LRRC7: variants seen among roughly 807,000 people sequenced by gnomAD.
LRRC7 encodes leucine rich repeat containing 7.
LRRC7 carries 23 observed loss-of-function variants against 175.7 expected under a neutral mutation model. The ratio of observed to expected loss-of-function variants is 0.13; its 90% CI spans 0.09 to 0.19. LRRC7 has a LOEUF of 0.19. LRRC7 is among the 10% of genes least tolerant of loss of function. LRRC7 has a pLI of 1.00. For synonymous variants in LRRC7, 685 were observed against 680.9 expected (o/e 1.01, Z -0.09); for missense variants, 1,354 against 1,904.7 (o/e 0.71, Z 5.38).
chr1:69,922,146 G>C (rs987321317), intron 7 of LRRC7, among the ~76,000 whole-genome samples: 1 of 152,026 alleles, frequency 6.6e-6, no homozygotes, highest in Non-Finnish European at 1.5e-5. Flanking sequence ...GGCTGGTCTC[G>C]AACTCCTGAC....
chr1:69,663,700 ATTTTTTTT>A (rs552339451), intron 1 of LRRC7, among the ~76,000 whole-genome samples: 2 of 67,728 alleles, frequency 3.0e-5, no homozygotes, highest in Admixed American at 2.2e-4. Flanking sequence ...AATCGTTTTA[ATTTTTTTT>A]TTTTTTTTTT....
chr1:69,813,552 A>C (rs1024520856), intron 4 of LRRC7, among the ~76,000 whole-genome samples: 1 of 152,190 alleles, frequency 6.6e-6, no homozygotes, highest in African/African-American at 2.4e-5. Context: ...TTCAGAGAAG[A>C]AGCATGTCTC....
intron 7 of LRRC7, among the ~76,000 whole-genome samples, chr1:69,871,937 T>C (rs1685591837): frequency 6.6e-6 from 1 of 152,054 alleles, no homozygotes; most frequent in South Asian, 2.1e-4. Context: ...AATAATTATA[T>C]GGATTTTAGA....
At chr1:69,990,783 A>C (rs1430450716) in intron 10 of LRRC7, among the ~76,000 whole-genome samples, 1 of 152,206 alleles carries the variant, frequency 6.6e-6, no homozygotes, top group East Asian at 1.9e-4. Flanking sequence ...TATAAATAAG[A>C]TGGTAAAAAT....
chr1:69,718,131 A>AGAGAGAGAAAGG (rs1491386363), intron 2 of LRRC7, among the ~76,000 whole-genome samples: 1 of 54,372 alleles, frequency 1.8e-5, no homozygotes, highest in Non-Finnish European at 3.2e-5. Context: ...GAAAGAAAAG[A>AGAGAGAGAAAGG]AAGAAAGAGA....
chr1:70,043,996 C>A lies in LRRC7; in HGVS notation c.4012C>A (p.Pro1338Thr), dbSNP rs748874976. The A allele has an allele frequency of 6.2e-7, 1 of 1,613,310 alleles. No homozygotes were observed. Among genetic ancestry groups the A allele is most frequent in the South Asian group, 1.1e-5 (1 of 91,036 alleles). ...KHNTVNLGML[P>T]YGGISAMHAG... ...CAATACAGTTAACCTTGGCATGCTG[C>A]CCTATGGAGGTATTTCAGCAATGCA... The change falls in exon 22 of 27, where the codon CCC (proline) becomes ACC (threonine). Residue 1338 changes from proline to threonine, a missense_variant. Physicochemically the swap from Pro to Thr is conservative, Grantham distance 38. Transcript: ENST00000651989.
intron 2 of LRRC7, among the ~76,000 whole-genome samples, chr1:69,684,617 A>C (rs1383236131): frequency 6.6e-6 from 1 of 152,180 alleles, no homozygotes; most frequent in Admixed American, 6.5e-5. Flanking sequence ...CAAACTGACT[A>C]GGACAACAGG....
At chr1:70,010,973 C>G (rs984026973) in intron 11 of LRRC7, among the ~76,000 whole-genome samples, 3 of 152,208 alleles carry the variant, frequency 2.0e-5, no homozygotes, top group African/African-American at 7.2e-5. Flanking sequence ...AATCCATTTC[C>G]ATTACTTGTC....
chr1:69,826,975 G>T (rs1570176589), intron 5 of LRRC7, among the ~76,000 whole-genome samples: 1 of 151,888 alleles, frequency 6.6e-6, no homozygotes, highest in East Asian at 1.9e-4. Context: ...TATAGTGAAT[G>T]GTTTGTGAAA....
chr1:70,041,126 GT>G (rs1659858891), intron 21 of LRRC7, among the ~76,000 whole-genome samples: 1 of 152,122 alleles, frequency 6.6e-6, no homozygotes. Context: ...GGGGATCTGG[GT>G]AATAATATAC....
intron 1 of LRRC7, among the ~76,000 whole-genome samples, chr1:69,659,295 G>C (rs1657092850): frequency 6.6e-6 from 1 of 151,490 alleles, no homozygotes; most frequent in South Asian, 2.1e-4. Context: ...CAACACAGGA[G>C]AACAATGAGG....
intron 3 of LRRC7, among the ~76,000 whole-genome samples, chr1:69,767,930 C>T (rs1196400388): frequency 6.6e-6 from 1 of 152,086 alleles, no homozygotes; most frequent in East Asian, 1.9e-4. Context: ...GTTGCTTGCC[C>T]TAGGTGAGGG....
intron 8 of LRRC7, among the ~76,000 whole-genome samples, chr1:69,970,219 G>A (rs1371353307): frequency 6.6e-6 from 1 of 151,824 alleles, no homozygotes; most frequent in Non-Finnish European, 1.5e-5. Flanking sequence ...ACATCTCAAG[G>A]AACTAGAGAA....
intron 1 of LRRC7, among the ~76,000 whole-genome samples, chr1:69,648,875 T>C (rs1484651571): frequency 2.6e-5 from 4 of 152,212 alleles, no homozygotes; most frequent in Admixed American, 1.3e-4. Context: ...AGATATGTTG[T>C]AGACAGCACA....
chr1:69,667,424 T>TG (rs1280096269), intron 1 of LRRC7, among the ~76,000 whole-genome samples: 1 of 152,160 alleles, frequency 6.6e-6, no homozygotes, highest in Non-Finnish European at 1.5e-5. Flanking sequence ...CAGCTTTTAT[T>TG]GTGTTGGGTT....
chr1:70,092,455 T>G (rs934757698), intron 25 of LRRC7, among the ~76,000 whole-genome samples: 27 of 152,192 alleles, frequency 1.8e-4, no homozygotes, highest in African/African-American at 6.5e-4. Context: ...CATGGATGTT[T>G]GAATGTTTTG....
intron 4 of LRRC7, among the ~76,000 whole-genome samples, chr1:69,813,912 T>C (rs1003824677): frequency 6.6e-6 from 1 of 152,204 alleles, no homozygotes; most frequent in East Asian, 1.9e-4. Context: ...GATATATTGC[T>C]CAAGTAAGGC....
chr1:69,717,459 A>G (rs1273712799), intron 2 of LRRC7, among the ~76,000 whole-genome samples: 1 of 151,838 alleles, frequency 6.6e-6, no homozygotes, highest in Non-Finnish European at 1.5e-5. Context: ...TAAGAAGAAT[A>G]CTAAGCAAGG....
intron 4 of LRRC7, among the ~76,000 whole-genome samples, chr1:69,794,718 C>G (rs539843632): frequency 6.6e-6 from 1 of 152,098 alleles, no homozygotes; most frequent in Non-Finnish European, 1.5e-5. Context: ...AATTTGTCAC[C>G]CAATATAAAC....
Sources: allele counts gnomAD v4.1 joint callset (sites outside exome capture counted in the v4.1 genomes callset), GRCh38; gene constraint gnomAD v4.1.1; transcripts MANE v1.5; gene names NCBI Gene and HGNC (gene_info 2026-07-23, HGNC 2026-07-21).